MFRP: variants seen among roughly 807,000 people sequenced by gnomAD.
The protein encoded by MFRP is C1q and TNF related 5.
MFRP carries 74 observed loss-of-function variants against 65.8 expected under a neutral mutation model. The observed-to-expected ratio is 1.12, with a 90% CI of 0.93 to 1.36. The LOEUF is 1.36. Ranked by LOEUF, MFRP falls within the 40% of genes most tolerant of loss-of-function variation. The probability of loss-of-function intolerance (pLI) is 0.00; values close to 1 mark genes in which losing one functional copy is unlikely to be tolerated. For missense variants in MFRP, 838 were observed against 736.0 expected (o/e 1.14, Z -1.60); for synonymous variants, 336 against 288.3 (o/e 1.17, Z -1.68).
At position 119,340,302 on chromosome 11, in the gene MFRP, G is replaced by T. The variant is rs760578346; in HGVS notation, c.*992C>A. On this transcript the variant is annotated 3_prime_UTR_variant, in exon 14 of 15. Transcript: ENST00000619721. ...GGTGGCCCGGCGTGCCTGGAAGGCC[G>T]GGGTGCCCCGGGCAGAGGCTGGGGA... 7.8e-6 allele frequency: 12 copies of T among 1,535,396 alleles called. No homozygotes were observed. The highest frequency in any genetic ancestry group is 2.8e-5 in the African/African-American group (2 of 70,868).
chr11:119,340,471 C>T, intron 13 of MFRP, 31 bp from the exon 14 acceptor site: 2 of 1,468,196 alleles, frequency 1.4e-6, no homozygotes, highest in East Asian at 2.5e-5. Flanking sequence ...GAGTCGGGAC[C>T]CAGAATCCTG....
At chr11:119,340,529 C>T (rs1950492362) in intron 13 of MFRP, 89 bp from the exon 14 acceptor site, 2 of 971,402 alleles carry the variant, frequency 2.1e-6, no homozygotes, top group South Asian at 3.0e-5. Flanking sequence ...GGTCCCCACC[C>T]CACTGCCGTG....
Position 119,345,473 on chromosome 11 carries a change from A to G in MFRP, c.588T>C (p.Ser196=), listed in dbSNP as rs764951846. 6.2e-7 allele frequency: 1 copy of G among 1,614,076 alleles called. No individual in the cohort carries two copies. The highest frequency in any genetic ancestry group is 8.5e-7 in the Non-Finnish European group (1 of 1,180,036). ...AGAGTTCCAAGCGATCAAAAAGGCA[A>G]GAGGCCACACTCTCTATGCTGAGGG... is the stretch of plus-strand genomic sequence containing the variant. ...IEALSIESVA[S]CLFDRLELSP... Residue 196 remains serine (S), a synonymous_variant, in exon 5 of 15, where the codon TCT becomes TCC. Coordinates refer to ENST00000619721, the MANE Select transcript of MFRP (RefSeq NM_031433.4).
rs373230107 is a variant in MFRP at position 119,345,842 on chromosome 11, T to C, written c.358A>G (p.Thr120Ala). 3.7e-6 allele frequency: 6 copies of C among 1,613,204 alleles called. No homozygotes were observed. Among genetic ancestry groups the C allele is most frequent in the Non-Finnish European group, 5.1e-6 (6 of 1,179,826 alleles). The change falls in exon 4 of 15, where the codon ACC (threonine) becomes GCC (alanine). Residue 120 changes from threonine (T) to alanine (A), a missense_variant. Thr to Ala is a moderately conservative substitution (Grantham distance 58). Transcript: ENST00000619721. ...LTTTTTTPTI[T>A]TSQAAGTPKG... Reference sequence around the variant, plus strand: ...GGGGTCCCAGCTGCCTGAGAGGTGGTGATGGTGGGGGTGGTGGTGGTCGTG... The same window carrying C: ...GGGGTCCCAGCTGCCTGAGAGGTGGCGATGGTGGGGGTGGTGGTGGTCGTG...
rs1252309448 is a variant in MFRP at position 119,345,856 on chromosome 11, G to T, written c.344C>A (p.Thr115Asn). 9 of 1,613,764 alleles carry T rather than the reference G, an allele frequency of 5.6e-6. No homozygotes were observed. In the Admixed American group the frequency reaches 6.7e-5, roughly 12 times the overall value. The change falls in exon 4 of 15, where the codon ACC becomes AAC. Residue 115 changes from threonine (T) to asparagine (N), a missense_variant. Thr to Asn is a moderately conservative substitution (Grantham distance 65, BLOSUM62 0). Coordinates refer to ENST00000619721, the MANE Select transcript of MFRP (RefSeq NM_031433.4). ...LPAGGLTTTT[T>N]TPTITTSQAA... ...CTGAGAGGTGGTGATGGTGGGGGTG[G>T]TGGTGGTCGTGGTAAGGCCTCCGGC...
Position 119,345,600 on chromosome 11 carries a change from A to C in MFRP, c.461T>G (p.Phe154Cys). ...CGGLLSGPRG[F>C]FSSPNYPDPY... Reference sequence around the variant, plus strand: ...GTCTGGGTAGTTAGGGCTGCTGAAGAAGCCCCTTGGGCCAGAGAGGAGGCC... The same window carrying C: ...GTCTGGGTAGTTAGGGCTGCTGAAGCAGCCCCTTGGGCCAGAGAGGAGGCC... The change falls in exon 5 of 15, where the codon TTC becomes TGC. Residue 154 changes from phenylalanine (F) to cysteine (C), a missense_variant. Transcript: ENST00000619721. 1 of 1,613,700 alleles carries C rather than the reference A, an allele frequency of 6.2e-7. No individual in the cohort carries two copies.
rs1243403447 is a variant in MFRP at position 119,341,210 on chromosome 11, A to T, written c.*338T>A. The stretch of plus-strand genomic sequence containing the variant: ...TGCCACATGAATAGATGCTCAGTAC[A>T]TTTTTGTTGAATCAAGGAAAAGGTC... On this transcript the variant is annotated 3_prime_UTR_variant, in exon 13 of 15. Coordinates refer to ENST00000619721, the MANE Select transcript of MFRP (RefSeq NM_031433.4). The T allele has an allele frequency of 2.7e-6, 1 of 367,676 alleles. No homozygotes were observed. Among genetic ancestry groups the T allele is most frequent in the East Asian group, 5.8e-5 (1 of 17,296 alleles). 22.8% of individuals were successfully genotyped at this position (367,676 alleles called of 1,614,324 possible).
intron 11 of MFRP, among the ~76,000 whole-genome samples, 174 bp from the exon 12 acceptor site, chr11:119,342,158 C>T (rs1950509246): frequency 6.6e-6 from 1 of 152,202 alleles, no homozygotes; most frequent in Non-Finnish European, 1.5e-5. Context: ...CCCTGCCATC[C>T]CTGAGAGCCT....
rs760955544 is a variant in MFRP at position 119,339,723 on chromosome 11, G to A, written c.*1236C>T. ...GGTGCGTCAGACGGCGGAGGCACCC[G>A]GCTCTCGGAGCGCTTGGCGCTGAAG... On this transcript the variant is annotated 3_prime_UTR_variant, in exon 15 of 15. Coordinates refer to ENST00000619721, the MANE Select transcript of MFRP (RefSeq NM_031433.4). This position sits in a 1 kb window ranked among gnomAD's most constrained non-coding sequence, Gnocchi z 5.4. 6.2e-7 allele frequency: 1 copy of A among 1,601,116 alleles called. No individual in the cohort carries two copies. The highest frequency in any genetic ancestry group is 8.5e-7 in the Non-Finnish European group (1 of 1,178,424).
chr11:119,346,257 C>A lies in MFRP; in HGVS notation c.157+15G>T. ...CCTCTCTGTCCTCCCCCAGGTCACC[C>A]CCTGGGATGGTTACCATGCCAGGGA... On this transcript the variant is annotated intron_variant, in intron 2 of 14. Transcript: ENST00000619721. The A allele has an allele frequency of 6.2e-7, 1 of 1,601,592 alleles. No homozygotes were observed. The highest frequency in any genetic ancestry group is 1.3e-5 in the African/African-American group (1 of 74,736).
intron 11 of MFRP, 82 bp downstream of exon 11, chr11:119,342,514 T>C: frequency 1.3e-6 from 2 of 1,560,974 alleles, no homozygotes; most frequent in Non-Finnish European, 1.7e-6. Context: ...GAGGTTGGGA[T>C]GGGACACTGT....
In MFRP at chr11:119,340,396, A is replaced by G. The variant is rs1950490630; in HGVS notation, c.*898T>C. 6.5e-7 allele frequency: 1 copy of G among 1,544,974 alleles called. No homozygotes were observed. ...GAGCAGCAGGACGAGGAGTGGCCTCATAGCGCTGGCACCGGGAGCCCGGAC... is the reference window on the plus strand; with the variant it reads ...GAGCAGCAGGACGAGGAGTGGCCTCGTAGCGCTGGCACCGGGAGCCCGGAC... On this transcript the variant is annotated 3_prime_UTR_variant, in exon 14 of 15. Coordinates refer to ENST00000619721, the MANE Select transcript of MFRP (RefSeq NM_031433.4).
Position 119,344,290 on chromosome 11 carries a change from G to T in MFRP, c.975+25C>A, listed in dbSNP as rs373354558. On this transcript the variant is annotated intron_variant, in intron 8 of 14. Coordinates refer to ENST00000619721, the MANE Select transcript of MFRP (RefSeq NM_031433.4). ...AGGTGCTTCCGTGTGTGCCCCTCCC[G>T]TTCTGCATGGAGCACTGTGCTTACC... 2.5e-5 allele frequency: 41 copies of T among 1,608,500 alleles called. No homozygotes were observed. In the South Asian group the frequency reaches 4.1e-4, roughly 16 times the overall value.
chr11:119,339,824 G>GGGTCCCCTCGA lies in MFRP; in HGVS notation c.*1124_*1134dup. 6.6e-7 allele frequency: 1 copy of GGGTCCCCTCGA among 1,512,572 alleles called. No homozygotes were observed. Among genetic ancestry groups the GGGTCCCCTCGA allele is most frequent in the Non-Finnish European group, 8.8e-7 (1 of 1,136,998 alleles). 93.7% of individuals were successfully genotyped at this position (1,512,572 alleles called of 1,614,324 possible). ...GGGTCCCGCCTCTCCTCGCGGCCCG[G>GGGTCCCCTCGA]GGTCCCCTCGAGGTCCCGGCAGTCC... On this transcript the variant is annotated 3_prime_UTR_variant, in exon 15 of 15. Transcript: ENST00000619721. This position sits in a 1 kb window ranked among gnomAD's most constrained non-coding sequence, Gnocchi z 5.4.
At position 119,345,607 on chromosome 11, in the gene MFRP, T is replaced by G. The variant is rs1165686231; in HGVS notation, c.454A>C (p.Arg152=). The change falls in exon 5 of 15, where the codon AGG becomes CGG. Residue 152 remains arginine (R), a synonymous_variant. Coordinates refer to ENST00000619721, the MANE Select transcript of MFRP (RefSeq NM_031433.4). ...TAGTTAGGGCTGCTGAAGAAGCCCC[T>G]TGGGCCAGAGAGGAGGCCTCCACAG... is the stretch of plus-strand genomic sequence containing the variant. ...STCGGLLSGP[R]GFFSSPNYPD... The G allele has an allele frequency of 6.2e-7, 1 of 1,613,652 alleles. No homozygotes were observed. Among genetic ancestry groups the G allele is most frequent in the Non-Finnish European group, 8.5e-7 (1 of 1,179,932 alleles).
At chr11:119,340,493 T>G in intron 13 of MFRP, 53 bp from the exon 14 acceptor site, 1 of 1,330,954 alleles carries the variant, frequency 7.5e-7, no homozygotes, top group Middle Eastern at 2.5e-4. Flanking sequence ...GACCTGCCTC[T>G]CTCCCCACCC....
At chr11:119,345,135 T>A in intron 5 of MFRP, 131 bp from the exon 6 acceptor site, 1 of 1,233,068 alleles carries the variant, frequency 8.1e-7, no homozygotes, top group Non-Finnish European at 1.1e-6. Context: ...AAGGCTCCTC[T>A]GATGTCCCAG....
At chr11:119,342,016 G>A in intron 11 of MFRP, 32 bp from the exon 12 acceptor site, 1 of 1,612,236 alleles carries the variant, frequency 6.2e-7, no homozygotes, top group South Asian at 1.1e-5. Flanking sequence ...CCACTGTGGG[G>A]ACTGCTCACT....
chr11:119,344,983 G>T lies in MFRP; in HGVS notation c.663C>A (p.Pro221=). 2 of 1,607,080 alleles carry T rather than the reference G, an allele frequency of 1.2e-6. No homozygotes were observed. Among genetic ancestry groups the T allele is most frequent in the Non-Finnish European group, 1.7e-6 (2 of 1,177,748 alleles). The change falls in exon 6 of 15, where the codon CCC becomes CCA. Residue 221 remains proline (P), a synonymous_variant. Transcript: ENST00000619721. ...PLLRVCGRVP[P]PTLNTNASHL... The stretch of plus-strand genomic sequence containing the variant: ...GGCTGGCATTGGTGTTGAGCGTGGG[G>T]GGAGGCACCCTTCCACAAACCCTGC...
Sources: allele counts gnomAD v4.1 joint callset (sites outside exome capture counted in the v4.1 genomes callset), GRCh38; gene constraint gnomAD v4.1.1; non-coding constraint Gnocchi (gnomAD v3.1); transcripts MANE v1.5; gene names NCBI Gene and HGNC (gene_info 2026-07-23, HGNC 2026-07-21).